Variants in PCDHA8 observed in about 807,000 individuals in gnomAD.
PCDHA8 encodes protocadherin alpha-8.
Under a neutral mutation model 61.8 loss-of-function variants are expected in PCDHA8, and 53 were observed. The ratio of observed to expected loss-of-function variants is 0.86; its 90% confidence interval spans 0.69 to 1.08. PCDHA8 has a LOEUF of 1.08. Among genes scored for constraint, PCDHA8 ranks in the 50% least tolerant of loss-of-function variants. The pLI is 0.00. For synonymous variants in PCDHA8, 618 were observed against 556.6 expected, an observed-to-expected ratio of 1.11 and a Z score of -1.55; for missense variants, 1,293 against 1,245.0, an observed-to-expected ratio of 1.04 and a Z score of -0.58.
intron 1 of PCDHA8, among the ~76,000 whole-genome samples, chr5:140,872,146 T>C (rs1554166047): frequency 6.6e-6 from 1 of 152,134 alleles, no homozygotes; most frequent in African/African-American, 2.4e-5. Context: ...ACTCCATTAG[T>C]ATGACATGAT....
chr5:140,927,676 G>A (rs2084491623), intron 1 of PCDHA8: 1 of 1,614,192 alleles, frequency 6.2e-7, no homozygotes, highest in South Asian at 1.1e-5. Flanking sequence ...GGATCCAGAT[G>A]AAGGGTCCAA....
intron 1 of PCDHA8, among the ~76,000 whole-genome samples, chr5:140,978,254 A>T (rs2096794173): frequency 6.6e-6 from 1 of 152,228 alleles, no homozygotes; most frequent in Non-Finnish European, 1.5e-5. Context: ...TCCCTGTTAA[A>T]CAATCAGAGC....
At chr5:140,932,709 A>G (rs2088560759) in intron 1 of PCDHA8, among the ~76,000 whole-genome samples, 1 of 151,956 alleles carries the variant, frequency 6.6e-6, no homozygotes, top group African/African-American at 2.4e-5. Context: ...TATAGACAAC[A>G]CAATAATATT....
In PCDHA8 at chr5:141,011,172, A is replaced by G. The variant is rs377766708; in HGVS notation, c.*1235A>G. On this transcript the variant is annotated 3_prime_UTR_variant, in exon 4 of 4. Transcript: ENST00000531613. ...TCTAACCAACTATATATCAAGACCC[A>G]AAAATTGAAGAAAAATATTGTTTTC... 53 of 153,852 alleles carry G rather than the reference A, an allele frequency of 3.4e-4. No individual in the cohort carries two copies. Among genetic ancestry groups the G allele is most frequent in the African/African-American group, 1.2e-3 (51 of 41,568 alleles). 9.5% of individuals were successfully genotyped at this position (153,852 alleles called of 1,614,324 possible).
chr5:140,853,323 A>T (rs191492772), intron 1 of PCDHA8: 1 of 984,966 alleles, frequency 1.0e-6, no homozygotes, highest in African/African-American at 1.8e-5. Context: ...TAATAAATTT[A>T]TCTTTTGAGG....
intron 2 of PCDHA8, chr5:140,982,235 T>C (rs782570505): frequency 2.6e-5 from 17 of 646,792 alleles, no homozygotes; most frequent in Non-Finnish European, 3.9e-5. Flanking sequence ...AAAAACAGAA[T>C]TGCCATAAAG....
intron 1 of PCDHA8, chr5:140,854,000 CAA>C (rs112540154): frequency 4.4e-4 from 155 of 351,630 alleles, no homozygotes; most frequent in Middle Eastern, 1.4e-3. Flanking sequence ...TCATCTCTGC[CAA>C]AAAAAAAAAA....
In PCDHA8 at chr5:141,010,472, A is replaced by G. The variant is rs2098417397; in HGVS notation, c.*535A>G. ...AGCGGAAGTTATCAGTATGGAGGGG[A>G]AGTGTAAACTTAAAGGGACCAGACT... On this transcript the variant is annotated 3_prime_UTR_variant, in exon 4 of 4. Transcript: ENST00000531613. The G allele has an allele frequency of 1.3e-6, 1 of 762,088 alleles. No homozygotes were observed. Among genetic ancestry groups the G allele is most frequent in the African/African-American group, 1.8e-5 (1 of 56,688 alleles). 47.2% of individuals were successfully genotyped at this position (762,088 alleles called of 1,614,324 possible).
chr5:140,936,326 A>G (rs2090913771), intron 1 of PCDHA8, among the ~76,000 whole-genome samples: 1 of 152,138 alleles, frequency 6.6e-6, no homozygotes, highest in South Asian at 2.1e-4. Flanking sequence ...CATGCTATAA[A>G]TTTTCTCTAT....
intron 1 of PCDHA8, among the ~76,000 whole-genome samples, chr5:140,959,868 C>A (rs532801353): frequency 8.5e-5 from 13 of 152,248 alleles, no homozygotes; most frequent in African/African-American, 2.9e-4. Flanking sequence ...GTAGCAAAAT[C>A]TGTCAAGGAA....
intron 1 of PCDHA8, chr5:140,876,048 T>C (rs376201695): frequency 6.2e-7 from 1 of 1,613,930 alleles, no homozygotes. Context: ...GTATATTGCC[T>C]GAATTAGTTC....
chr5:141,003,406 G>A (rs2098122557), intron 3 of PCDHA8, among the ~76,000 whole-genome samples: 1 of 152,134 alleles, frequency 6.6e-6, no homozygotes, highest in African/African-American at 2.4e-5. Flanking sequence ...CCGCCTCCCG[G>A]GTTCGAGTGA....
At position 140,929,318 on chromosome 5, in the gene PCDHA8, A is replaced by G. The variant is rs78197291; in HGVS notation, c.2395-49631A>G. The G allele has an allele frequency of 3.9e-4, 606 of 1,545,240 alleles. 3 individuals carry two copies. The African/African-American group carries it at 7.7e-3, about 20-fold the overall frequency. ...AGGAAAGGGGATCACGCTAATGTCA[A>G]TGCCATGGTAAGCAAATTTTATGGA... On this transcript the variant is annotated intron_variant, in intron 1 of 3. Coordinates refer to ENST00000531613, the MANE Select transcript of PCDHA8 (RefSeq NM_018911.3).
At chr5:140,957,556 A>G (rs1364343526) in intron 1 of PCDHA8, among the ~76,000 whole-genome samples, 1 of 152,150 alleles carries the variant, frequency 6.6e-6, no homozygotes, top group African/African-American at 2.4e-5. Flanking sequence ...TCTCTGTGGA[A>G]AAGGAGGGAC....
intron 3 of PCDHA8, among the ~76,000 whole-genome samples, chr5:140,983,739 G>T (rs983923811): frequency 5.3e-5 from 8 of 152,194 alleles, no homozygotes; most frequent in African/African-American, 1.9e-4. Context: ...TGGCTGGCTT[G>T]CAATAATCCA....
intron 1 of PCDHA8, among the ~76,000 whole-genome samples, chr5:140,909,595 A>G (rs1336934015): frequency 6.6e-6 from 1 of 151,976 alleles, no homozygotes; most frequent in Non-Finnish European, 1.5e-5. Context: ...TTGATTTACT[A>G]TTTTTCTAGG....
At chr5:140,952,847 T>C (rs1199940738) in intron 1 of PCDHA8, among the ~76,000 whole-genome samples, 1 of 152,160 alleles carries the variant, frequency 6.6e-6, no homozygotes, top group Middle Eastern at 3.2e-3. Flanking sequence ...TCTGCTTGTC[T>C]TCTGGGGAGG....
intron 1 of PCDHA8, among the ~76,000 whole-genome samples, chr5:140,905,243 T>C (rs962108553): frequency 7.2e-5 from 11 of 152,184 alleles, no homozygotes; most frequent in Non-Finnish European, 1.5e-4. Context: ...CCAGTTTCAT[T>C]CTTCCACATG....
intron 1 of PCDHA8, among the ~76,000 whole-genome samples, chr5:140,900,537 A>G (rs2068113323): frequency 6.6e-6 from 1 of 152,204 alleles, no homozygotes; most frequent in African/African-American, 2.4e-5. Context: ...TCGGCTTTCC[A>G]AAGTGCTGGG....
Sources: gnomAD v4.1 joint callset for allele counts (sites outside exome capture counted in the v4.1 genomes callset) on GRCh38, gnomAD v4.1.1 for gene constraint, MANE v1.5 for transcripts, NCBI Gene and HGNC (gene_info 2026-07-23, HGNC 2026-07-21) for gene names.